PDE1A: variants seen among roughly 807,000 people sequenced by gnomAD.
The protein encoded by PDE1A is dual specificity calcium/calmodulin-dependent 3',5'-cyclic nucleotide phosphodiesterase 1A.
A neutral mutation model predicts 61.7 loss-of-function variants in PDE1A; 35 were observed. The ratio of observed to expected loss-of-function variants is 0.57; its 90% CI spans 0.43 to 0.75. PDE1A has a LOEUF of 0.75. Ranked by LOEUF, PDE1A falls within the 30% of genes least tolerant of loss-of-function variation. PDE1A has a pLI of 0.00. For missense variants in PDE1A, 597 were observed against 630.6 expected (o/e 0.95, Z 0.57); for synonymous variants, 232 against 213.2 (o/e 1.09, Z -0.77).
intron 2 of PDE1A, among the ~76,000 whole-genome samples, chr2:182,458,208 G>C (rs1007638710): frequency 2.0e-5 from 3 of 152,004 alleles, no homozygotes; most frequent in African/African-American, 7.2e-5. Context: ...AATCAAATAT[G>C]AGAAGGCTTC....
chr2:182,296,303 C>T (rs1470617250), intron 1 of PDE1A, among the ~76,000 whole-genome samples: 2 of 152,162 alleles, frequency 1.3e-5, no homozygotes, highest in Non-Finnish European at 2.9e-5. Flanking sequence ...TACAACTCCC[C>T]CACTGTCATA....
the PDE1A span, among the ~76,000 whole-genome samples, chr2:182,531,653 T>C: frequency 2.0e-5 from 3 of 152,358 alleles, no homozygotes; most frequent in South Asian, 2.1e-4. Flanking sequence ...TATTTTCTTC[T>C]ATAAGGAGAA....
chr2:182,510,832 T>C (rs976912130), intron 2 of PDE1A, among the ~76,000 whole-genome samples: 2 of 152,138 alleles, frequency 1.3e-5, no homozygotes, highest in Non-Finnish European at 2.9e-5. Context: ...ATACCCTAGT[T>C]CCTGCTCCAG....
chr2:182,594,364 T>C, the PDE1A span, among the ~76,000 whole-genome samples: 1 of 152,262 alleles, frequency 6.6e-6, no homozygotes, highest in Middle Eastern at 3.2e-3. Flanking sequence ...GGTAAAGATT[T>C]AAGCAATTGT....
At chr2:182,299,541 C>T (rs921048799) in intron 1 of PDE1A, among the ~76,000 whole-genome samples, 1 of 149,782 alleles carries the variant, frequency 6.7e-6, no homozygotes, top group African/African-American at 2.5e-5. Flanking sequence ...ATCATATTCC[C>T]AATTAACTCA....
intron 1 of PDE1A, among the ~76,000 whole-genome samples, chr2:182,327,387 A>T (rs1381714314): frequency 6.6e-6 from 1 of 152,220 alleles, no homozygotes; most frequent in Non-Finnish European, 1.5e-5. Flanking sequence ...TATTTTCAGA[A>T]GTCAATTAAA....
chr2:182,465,332 A>G (rs1186244852), intron 2 of PDE1A, among the ~76,000 whole-genome samples: 1 of 152,142 alleles, frequency 6.6e-6, no homozygotes, highest in Non-Finnish European at 1.5e-5. Flanking sequence ...CCAAACATGC[A>G]TACAAAAGAA....
rs1377240310 is a variant in PDE1A, at chr2:182,415,453, T to G, written c.53+11125A>C. 2.0e-5 allele frequency among the ~76,000 whole-genome samples: 3 copies of G among 152,158 alleles called. No homozygotes were observed. In the East Asian group the frequency reaches 5.8e-4, roughly 29 times the overall value. On this transcript the variant is annotated intron_variant, in intron 1 of 13. Coordinates refer to ENST00000351439, the Ensembl canonical transcript of PDE1A. ...GGATGGCTGTCAAATTATATTTTAATCATTTCTATTAATGAAATCATGAAA... is the reference window on the plus strand; with the variant it reads ...GGATGGCTGTCAAATTATATTTTAAGCATTTCTATTAATGAAATCATGAAA...
chr2:182,343,340 T>A (rs1698317393), intron 1 of PDE1A, among the ~76,000 whole-genome samples: 1 of 152,200 alleles, frequency 6.6e-6, no homozygotes, highest in Non-Finnish European at 1.5e-5. Context: ...CTGGCTAACA[T>A]TTAATAGATA....
chr2:182,336,669 A>G (rs990713517), intron 1 of PDE1A, among the ~76,000 whole-genome samples: 13 of 152,100 alleles, frequency 8.5e-5, no homozygotes, highest in African/African-American at 2.9e-4. Context: ...CCTAATGTAG[A>G]TGATGGGTTG....
chr2:182,604,628 T>C, the PDE1A span, among the ~76,000 whole-genome samples: 6 of 152,214 alleles, frequency 3.9e-5, no homozygotes, highest in African/African-American at 1.4e-4. Context: ...AGATAGTCTA[T>C]ACGTATTTTA....
rs529207078 is a variant in PDE1A at position 182,334,198 on chromosome 2, G to T, written c.54-69784C>A. ...CCTTCTGAAACTATTCCAAACAATG[G>T]AAAAAGAAGGACTTCTCCCTAACTC... On this transcript the variant is annotated intron_variant, in intron 1 of 13. Coordinates refer to ENST00000351439, the Ensembl canonical transcript of PDE1A. 2.0e-5 allele frequency among the ~76,000 whole-genome samples: 3 copies of T among 151,176 alleles called. No individual in the cohort carries two copies. In the South Asian group the frequency reaches 6.3e-4, roughly 32 times the overall value.
At chr2:182,371,273 C>T (rs910985026) in intron 1 of PDE1A, among the ~76,000 whole-genome samples, 4 of 152,146 alleles carry the variant, frequency 2.6e-5, no homozygotes, top group African/African-American at 4.8e-5. Flanking sequence ...GCATTAGTTT[C>T]TATTTAAGAT....
At chr2:182,671,379 G>A in the PDE1A span, among the ~76,000 whole-genome samples, 1 of 129,910 alleles carries the variant, frequency 7.7e-6, no homozygotes, top group Non-Finnish European at 1.6e-5. Flanking sequence ...TAGTAGAGAC[G>A]GGGTTTCGCC....
At chr2:182,452,257 A>T (rs1232186723) in intron 2 of PDE1A, among the ~76,000 whole-genome samples, 1 of 152,124 alleles carries the variant, frequency 6.6e-6, no homozygotes, top group African/African-American at 2.4e-5. Context: ...TAAGGTTAAG[A>T]GTGAACATTA....
At chr2:182,483,899 T>C (rs1687852337) in intron 2 of PDE1A, among the ~76,000 whole-genome samples, 3 of 151,838 alleles carry the variant, frequency 2.0e-5, no homozygotes, top group African/African-American at 7.2e-5. Flanking sequence ...AAAGACACAA[T>C]TGTTACACTC....
At chr2:182,688,138 G>A in the PDE1A span, among the ~76,000 whole-genome samples, 1 of 152,156 alleles carries the variant, frequency 6.6e-6, no homozygotes, top group East Asian at 1.9e-4. Flanking sequence ...CCCCAACCTA[G>A]CAAGGCAGGC....
intron 2 of PDE1A, among the ~76,000 whole-genome samples, chr2:182,518,692 A>T (rs1006132963): frequency 2.0e-5 from 3 of 152,132 alleles, no homozygotes; most frequent in African/African-American, 7.2e-5. Context: ...AGTGGTGAGT[A>T]TTACATTTTT....
chr2:182,449,972 C>T (rs921396814), intron 2 of PDE1A, among the ~76,000 whole-genome samples: 11 of 152,018 alleles, frequency 7.2e-5, no homozygotes, highest in African/African-American at 2.4e-4. Context: ...ATTACACCAA[C>T]TTGGATCATC....
Sources: allele counts gnomAD v4.1 joint callset (sites outside exome capture counted in the v4.1 genomes callset), GRCh38; gene constraint gnomAD v4.1.1; transcripts MANE v1.5; gene names NCBI Gene and HGNC (gene_info 2026-07-23, HGNC 2026-07-21).